Variants in MYO6 observed in about 807,000 individuals in gnomAD.
MYO6 encodes the protein unconventional myosin-VI.
A neutral mutation model predicts 178.7 loss-of-function variants in MYO6; 74 were observed. The ratio of observed to expected loss-of-function variants is 0.41; its 90% CI spans 0.34 to 0.50. The LOEUF (loss-of-function observed/expected upper bound fraction) is 0.50. Ranked by LOEUF, MYO6 falls within the 20% of genes least tolerant of loss-of-function variation. The pLI is 0.09. For synonymous variants in MYO6, 477 were observed against 504.6 expected (o/e 0.95, Z 0.73); for missense variants, 1,330 against 1,547.4 (o/e 0.86, Z 2.36).
In MYO6 at chr6:75,759,702, G is replaced by T. The variant is rs746749265; in HGVS notation, c.-48+10279G>T. Among the ~76,000 whole-genome samples, 44 of 151,892 alleles carry T rather than the reference G, an allele frequency of 2.9e-4. No homozygotes were observed. The Middle Eastern group carries it at 0.01, about 35-fold the overall frequency. On this transcript the variant is annotated intron_variant, in intron 1 of 34. Transcript: ENST00000369977. The stretch of plus-strand genomic sequence containing the variant: ...CTTTGGGGATTTGTAGCATTTCCTT[G>T]GTACATTTTAAAAAAAACTTGTAGC...
At chr6:75,761,990 G>A (rs1467403135) in intron 1 of MYO6, among the ~76,000 whole-genome samples, 1 of 151,644 alleles carries the variant, frequency 6.6e-6, no homozygotes, top group African/African-American at 2.4e-5. Flanking sequence ...GGAGTGCAGT[G>A]GCGTGATCTC....
chr6:75,913,746 G>A (rs1419300269), intron 33 of MYO6, among the ~76,000 whole-genome samples: 2 of 152,048 alleles, frequency 1.3e-5, no homozygotes, highest in African/African-American at 4.8e-5. Context: ...TTTTCCTGCC[G>A]TGTGAGTTTA....
At chr6:75,895,518 ATTTT>A (rs372759632) in intron 29 of MYO6, among the ~76,000 whole-genome samples, 1 of 140,178 alleles carries the variant, frequency 7.1e-6, no homozygotes, top group Non-Finnish European at 1.6e-5. Context: ...ATATATATGA[ATTTT>A]TTTTTTTTTT....
chr6:75,756,976 G>GTGTGTATATA (rs1433568341), intron 1 of MYO6, among the ~76,000 whole-genome samples: 31 of 22,504 alleles, frequency 1.4e-3, no homozygotes, highest in African/African-American at 2.7e-3. Context: ...CACATATATA[G>GTGTGTATATA]TGTGTATATA....
At chr6:75,878,775 A>T (rs1777768785) in intron 20 of MYO6, among the ~76,000 whole-genome samples, 1 of 152,156 alleles carries the variant, frequency 6.6e-6, no homozygotes, top group Non-Finnish European at 1.5e-5. Context: ...GAATAATCTT[A>T]CTTTCTCCGT....
At chr6:75,898,325 G>A (rs1403841993) in intron 29 of MYO6, 48 bp from the exon 30 acceptor site, 8 of 1,216,810 alleles carry the variant, frequency 6.6e-6, no homozygotes, top group African/African-American at 3.0e-5. Context: ...ATTAATTTAT[G>A]TAGTATGACT....
At chr6:75,884,275 C>T (rs1178638047) in intron 23 of MYO6, among the ~76,000 whole-genome samples, 1 of 152,180 alleles carries the variant, frequency 6.6e-6, no homozygotes, top group South Asian at 2.1e-4. Context: ...GTAGGATTCT[C>T]AGAGGCTTCA....
At chr6:75,904,901 T>C (rs1469442524) in intron 30 of MYO6, among the ~76,000 whole-genome samples, 1 of 152,056 alleles carries the variant, frequency 6.6e-6, no homozygotes, top group Non-Finnish European at 1.5e-5. Context: ...TGCAGATGGG[T>C]TTTTGGTGTG....
At chr6:75,899,342 C>A (rs1779550870) in intron 30 of MYO6, among the ~76,000 whole-genome samples, 1 of 150,228 alleles carries the variant, frequency 6.7e-6, no homozygotes, top group African/African-American at 2.4e-5. Context: ...CAATTTACCT[C>A]TTCTTTCAAA....
Position 75,781,112 on chromosome 6 carries a change from C to T in MYO6, c.-48+31689C>T, listed in dbSNP as rs552239053. Among the ~76,000 whole-genome samples the T allele has an allele frequency of 2.6e-5, 4 of 151,872 alleles. No homozygotes were observed. In the East Asian group the frequency reaches 5.8e-4, roughly 22 times the overall value. The stretch of plus-strand genomic sequence containing the variant: ...ACAGGCATAAGCCACCGTGCCCAGC[C>T]GAGATTAAAATTTAATAACAAAATT... On this transcript the variant is annotated intron_variant, in intron 1 of 34. Transcript: ENST00000369977.
intron 1 of MYO6, among the ~76,000 whole-genome samples, chr6:75,803,718 G>A (rs928727296): frequency 3.3e-5 from 5 of 151,934 alleles, no homozygotes; most frequent in Non-Finnish European, 7.4e-5. Context: ...CTTAGTGATG[G>A]GTCTTTTCTT....
At chr6:75,906,845 A>G (rs1780367858) in intron 30 of MYO6, among the ~76,000 whole-genome samples, 1 of 152,196 alleles carries the variant, frequency 6.6e-6, no homozygotes, top group Non-Finnish European at 1.5e-5. Flanking sequence ...GTCATGATAC[A>G]GCACTTGTGC....
intron 1 of MYO6, among the ~76,000 whole-genome samples, chr6:75,751,154 C>T (rs1478995803): frequency 6.6e-6 from 1 of 152,174 alleles, no homozygotes; most frequent in African/African-American, 2.4e-5. Flanking sequence ...ACCATGCTGC[C>T]GTTCAAAATA....
chr6:75,820,771 C>T (rs965051010), intron 2 of MYO6, among the ~76,000 whole-genome samples: 10 of 152,254 alleles, frequency 6.6e-5, no homozygotes, highest in African/African-American at 2.4e-4. Context: ...CCCAATCTCT[C>T]CCTCCCCCCC....
At chr6:75,833,227 G>C (rs181039540) in intron 6 of MYO6, among the ~76,000 whole-genome samples, 13 of 152,294 alleles carry the variant, frequency 8.5e-5, no homozygotes, top group Non-Finnish European at 4.4e-5. Context: ...GGCTGGGCTT[G>C]AGCAACCCTC....
At position 75,841,265 on chromosome 6, in the gene MYO6, A is replaced by T; in HGVS notation, c.703A>T (p.Ile235Phe). 4 of 1,614,010 alleles carry T rather than the reference A, an allele frequency of 2.5e-6. No homozygotes were observed. The highest frequency in any genetic ancestry group is 3.4e-6 in the Non-Finnish European group (4 of 1,179,954). ...ACATTATCTCCTAGAGAAATCTAGG[A>T]TCTGTGTTCAAGGCAAAGAGGAAAG... ...VSHYLLEKSR[I>F]CVQGKEERNY... The change falls in exon 9 of 35, where the codon ATC becomes TTC. Residue 235 changes from isoleucine to phenylalanine, a missense_variant. Coordinates refer to ENST00000369977, the MANE Select transcript of MYO6 (RefSeq NM_004999.4).
At chr6:75,879,443 G>A (rs1777836282) in intron 20 of MYO6, among the ~76,000 whole-genome samples, 1 of 143,576 alleles carries the variant, frequency 7.0e-6, no homozygotes, top group African/African-American at 2.6e-5. Flanking sequence ...TTTTTGTAGA[G>A]ATGGGGTTTT....
intron 1 of MYO6, among the ~76,000 whole-genome samples, chr6:75,794,752 A>T (rs1170474853): frequency 2.0e-5 from 3 of 147,704 alleles, no homozygotes; most frequent in East Asian, 1.9e-4. Context: ...AAAAAAATAA[A>T]AAAAAAAATA....
intron 8 of MYO6, 101 bp downstream of exon 8, chr6:75,840,783 A>G (rs1205967459): frequency 1.2e-6 from 1 of 846,686 alleles, no homozygotes; most frequent in Non-Finnish European, 2.0e-6. Context: ...AATACCTTTA[A>G]GTTTCATTGT....
Sources: allele counts gnomAD v4.1 joint callset (sites outside exome capture counted in the v4.1 genomes callset), GRCh38; gene constraint gnomAD v4.1.1; transcripts MANE v1.5; gene names NCBI Gene and HGNC (gene_info 2026-07-23, HGNC 2026-07-21).